Variants in PCDH15 observed in about 807,000 individuals in gnomAD.
PCDH15 encodes protocadherin related 15, also known as protocadherin-15.
A neutral mutation model predicts 178.5 loss-of-function variants in PCDH15; 129 were observed. The ratio of observed to expected loss-of-function variants is 0.72; its 90% CI spans 0.63 to 0.84. PCDH15 has a LOEUF of 0.84. Among genes scored for constraint, PCDH15 ranks in the 40% least tolerant of loss-of-function variants. PCDH15 has a pLI of 0.00. For missense variants in PCDH15, 2,230 were observed against 2,099.9 expected (o/e 1.06, Z -1.21); for synonymous variants, 800 against 732.0 (o/e 1.09, Z -1.50).
intron 1 of PCDH15, among the ~76,000 whole-genome samples, chr10:54,721,404 G>A (rs1382135453): frequency 6.6e-6 from 1 of 151,714 alleles, no homozygotes; most frequent in Non-Finnish European, 1.5e-5. Flanking sequence ...ATGAGATCAA[G>A]ACCAAATAAA....
At chr10:54,154,835 T>C (rs1218943780) in intron 13 of PCDH15, among the ~76,000 whole-genome samples, 1 of 152,172 alleles carries the variant, frequency 6.6e-6, no homozygotes, top group Non-Finnish European at 1.5e-5. Flanking sequence ...TATGACATGA[T>C]TCTGCGACTT....
intron 3 of PCDH15, among the ~76,000 whole-genome samples, chr10:54,815,333 G>A (rs1233040744): frequency 6.6e-6 from 1 of 151,900 alleles, no homozygotes; most frequent in Non-Finnish European, 1.5e-5. Flanking sequence ...CAAAATTTGG[G>A]CACACAAAGA....
chr10:54,120,213 G>A (rs552558817), intron 15 of PCDH15, among the ~76,000 whole-genome samples: 2 of 152,174 alleles, frequency 1.3e-5, no homozygotes, highest in East Asian at 3.9e-4. Flanking sequence ...TGACAAGCAC[G>A]TACTAAGAAT....
chr10:54,397,985 C>G (rs555154453), intron 3 of PCDH15, among the ~76,000 whole-genome samples: 1 of 151,746 alleles, frequency 6.6e-6, no homozygotes, highest in East Asian at 1.9e-4. Context: ...GTTCACTATC[C>G]CAGTTGGTCA....
intron 2 of PCDH15, among the ~76,000 whole-genome samples, chr10:55,438,539 C>T (rs944492401): frequency 1.3e-5 from 2 of 151,892 alleles, no homozygotes; most frequent in Non-Finnish European, 2.9e-5. Flanking sequence ...AAAATTGCCA[C>T]CAATAGTTTT....
chr10:54,104,780 A>T (rs10825231), intron 15 of PCDH15, among the ~76,000 whole-genome samples: 88,703 of 148,226 alleles, frequency 0.6, 27,334 homozygotes, highest in Non-Finnish European at 0.68. Context: ...GAGCTTGCAG[A>T]GAGCCAAGAT....
At position 55,071,980 on chromosome 10, in the gene PCDH15, C is replaced by A. The variant is rs934901716; in HGVS notation, c.-80+94596G>T. ...GCTCAACTACATGGAAACTGAACAA[C>A]CTGCTCCTGAATGACTACTGGGTAC... On this transcript the variant is annotated intron_variant, in intron 2 of 5. Coordinates refer to the PCDH15 transcript ENST00000458638. 4.0e-5 allele frequency among the ~76,000 whole-genome samples: 6 copies of A among 151,806 alleles called. No homozygotes were observed. The East Asian group carries it at 5.8e-4, about 15-fold the overall frequency.
intron 2 of PCDH15, among the ~76,000 whole-genome samples, chr10:55,547,401 T>G (rs190550998): frequency 3.4e-4 from 52 of 152,258 alleles, no homozygotes; most frequent in Middle Eastern, 6.8e-3. Context: ...GTAATTGTTC[T>G]GACATGGCAT....
Position 54,493,679 on chromosome 10 carries a change from C to T in PCDH15, c.157+34133G>A, listed in dbSNP as rs568950056. Among the ~76,000 whole-genome samples, 16 of 152,094 alleles carry T rather than the reference C, an allele frequency of 1.1e-4. No homozygotes were observed. The East Asian group carries it at 2.0e-3, about 19-fold the overall frequency. ...TCAGCCATTGTGGAAGTCAGTGTGG[C>T]GATTCCTCAGGGATCTAGAACTAGA... On this transcript the variant is annotated intron_variant, in intron 3 of 37. Coordinates refer to ENST00000644397, the MANE Select transcript of PCDH15 (RefSeq NM_001384140.1).
intron 14 of PCDH15, among the ~76,000 whole-genome samples, chr10:54,145,055 G>A (rs77608687): frequency 0.015 from 2,347 of 152,168 alleles, 75 homozygotes; most frequent in African/African-American, 0.054. Flanking sequence ...AGACTATGAA[G>A]TCACAATTTT....
chr10:55,509,448 A>C (rs1264414441), intron 2 of PCDH15, among the ~76,000 whole-genome samples: 1 of 151,774 alleles, frequency 6.6e-6, no homozygotes, highest in African/African-American at 2.4e-5. Context: ...ATTCAGAGGA[A>C]TATCTGGGGT....
intron 3 of PCDH15, among the ~76,000 whole-genome samples, chr10:54,411,060 C>T (rs1953422665): frequency 6.6e-6 from 1 of 152,012 alleles, no homozygotes; most frequent in Non-Finnish European, 1.5e-5. Context: ...TGTGCATGTG[C>T]AGCACACAGA....
At chr10:54,449,148 C>A (rs553087811) in intron 3 of PCDH15, among the ~76,000 whole-genome samples, 2 of 151,668 alleles carry the variant, frequency 1.3e-5, no homozygotes, top group Non-Finnish European at 2.9e-5. Context: ...TTGGGCCCAA[C>A]CCTTAACCCC....
rs185980862 is a variant in PCDH15, at chr10:54,182,085, G to A, written c.1590+1359C>T. Among the ~76,000 whole-genome samples the A allele has an allele frequency of 4.6e-5, 7 of 152,234 alleles. No homozygotes were observed. The East Asian group carries it at 1.2e-3, about 25-fold the overall frequency. ...CAATTCTCCTGCCTCAGCCTCCCGA[G>A]TAGCTGGGACTACAGGCGCATGCCG... On this transcript the variant is annotated intron_variant, in intron 13 of 37. Transcript: ENST00000644397.
At chr10:54,924,089 A>G (rs540595978) in intron 2 of PCDH15, among the ~76,000 whole-genome samples, 1 of 138,436 alleles carries the variant, frequency 7.2e-6, no homozygotes, top group Non-Finnish European at 1.7e-5. Context: ...TGGAGGCCAT[A>G]GGAAACTTAA....
intron 3 of PCDH15, among the ~76,000 whole-genome samples, chr10:54,500,439 C>T (rs185417039): frequency 1.4e-3 from 210 of 152,132 alleles, no homozygotes; most frequent in African/African-American, 4.9e-3. Context: ...TCCCATGAAC[C>T]TAAAAGTTGA....
intron 2 of PCDH15, among the ~76,000 whole-genome samples, chr10:54,616,994 T>C (rs2093179894): frequency 2.0e-5 from 3 of 151,440 alleles, no homozygotes; most frequent in Admixed American, 2.0e-4. Context: ...AGGATCACTG[T>C]TGTTTATCAT....
At chr10:55,503,475 T>C (rs1266228979) in intron 2 of PCDH15, among the ~76,000 whole-genome samples, 1 of 150,566 alleles carries the variant, frequency 6.6e-6, no homozygotes, top group Non-Finnish European at 1.5e-5. Context: ...TTATTTTATG[T>C]TGATAATAAA....
intron 2 of PCDH15, among the ~76,000 whole-genome samples, chr10:55,414,534 A>G (rs113071583): frequency 0.012 from 1,822 of 151,748 alleles, 46 homozygotes; most frequent in African/African-American, 0.042. Context: ...GTTTTTACTT[A>G]TTTATGTATT....
Sources: gnomAD v4.1 joint callset for allele counts (sites outside exome capture counted in the v4.1 genomes callset) on GRCh38, gnomAD v4.1.1 for gene constraint, MANE v1.5 for transcripts, NCBI Gene and HGNC (gene_info 2026-07-23, HGNC 2026-07-21) for gene names.